The following TMPRSS6 variants were observed in gnomAD, a reference collection of about 807,000 sequenced individuals.
The protein encoded by TMPRSS6 is transmembrane serine protease 6.
A neutral mutation model predicts 101.5 loss-of-function variants in TMPRSS6; 67 were observed. That is an observed-to-expected ratio of 0.66 (90% CI 0.54 to 0.81). The LOEUF is 0.81. Among genes scored for constraint, TMPRSS6 ranks in the 30% least tolerant of loss-of-function variants. TMPRSS6 has a pLI of 0.00. For synonymous variants in TMPRSS6, 453 were observed against 464.9 expected (o/e 0.97, Z 0.33); for missense variants, 1,034 against 1,088.7 (o/e 0.95, Z 0.71).
chr22:37,108,595 C>A (rs1930862116), intron 1 of TMPRSS6, among the ~76,000 whole-genome samples: 2 of 152,236 alleles, frequency 1.3e-5, no homozygotes, highest in Non-Finnish European at 2.9e-5. Context: ...GGGGCCGCGA[C>A]TCCCCCAGCA....
chr22:37,074,620 C>G lies in TMPRSS6; in HGVS notation c.1431G>C (p.Glu477Asp). The G allele has an allele frequency of 6.2e-7, 1 of 1,614,208 alleles. No homozygotes were observed. Among genetic ancestry groups the G allele is most frequent in the Non-Finnish European group, 8.5e-7 (1 of 1,180,026 alleles). Residue 477 changes from glutamate (E) to aspartate (D), a missense_variant, in exon 12 of 18, where the codon GAG becomes GAC. Physicochemically the swap from Glu to Asp is conservative, Grantham distance 45. Coordinates refer to ENST00000676104, the MANE Select transcript of TMPRSS6 (RefSeq NM_001374504.1). ...GGGCGGGTTACTCACCGCAGTTTCT[C>G]TCATCCAGGCCGTTGGGGCAGTCCT... ...GVKDCPNGLD[E>D]RNCVCRATFQ...
chr22:37,065,881 A>AC lies in TMPRSS6; in HGVS notation c.*198dup, dbSNP rs1926225732. The stretch of plus-strand genomic sequence containing the variant: ...GCCTGGGTCCTCAGGGGACGTCTTG[A>AC]CCCCCAGCTGCTGGCACTTCTCCAT... On this transcript the variant is annotated 3_prime_UTR_variant, in exon 18 of 18. Coordinates refer to ENST00000676104, the MANE Select transcript of TMPRSS6 (RefSeq NM_001374504.1). 4.4e-6 allele frequency: 3 copies of AC among 679,684 alleles called. No individual in the cohort carries two copies. The highest frequency in any genetic ancestry group is 5.0e-6 in the Non-Finnish European group (2 of 403,368). The allele number at this position is 679,684 out of a possible 1,614,324, so 42.1% of individuals were successfully genotyped here.
intron 10 of TMPRSS6, chr22:37,083,963 A>G: frequency 3.7e-6 from 2 of 534,482 alleles, no homozygotes; most frequent in Non-Finnish European, 6.6e-6. Flanking sequence ...GAAACATTTT[A>G]TTGAAGGATT....
At chr22:37,072,580 ATGG>A (rs1927148648) in intron 13 of TMPRSS6, among the ~76,000 whole-genome samples, 1 of 113,882 alleles carries the variant, frequency 8.8e-6, no homozygotes, top group African/African-American at 2.9e-5. Context: ...TGGATGGATG[ATGG>A]ATGGATGGAT....
chr22:37,068,768 G>A, intron 16 of TMPRSS6: 1 of 748,690 alleles, frequency 1.3e-6, no homozygotes, highest in East Asian at 2.5e-5. Context: ...TTCCACCCTT[G>A]CAGCCCAAGG....
chr22:37,092,827 T>G (rs988808117), intron 6 of TMPRSS6, among the ~76,000 whole-genome samples: 8 of 152,144 alleles, frequency 5.3e-5, no homozygotes, highest in African/African-American at 1.9e-4. Context: ...CTCCATGAAG[T>G]CTTCCAGGAT....
rs67659825 is a variant in TMPRSS6, at chr22:37,093,384, C to CTTTTTTTTTTTTT, written c.631+2154_631+2166dup. On this transcript the variant is annotated intron_variant, in intron 6 of 17. Coordinates refer to ENST00000676104, the MANE Select transcript of TMPRSS6 (RefSeq NM_001374504.1). ...ACCTTTTCCTTTCCTTTCTTTCTTT[C>CTTTTTTTTTTTTT]TTTTTTTTTTTTTTTTTTTTTTTTT... 2.5e-3 allele frequency among the ~76,000 whole-genome samples: 206 copies of CTTTTTTTTTTTTT among 82,568 alleles called. 2 individuals are homozygous for CTTTTTTTTTTTTT. The highest frequency in any genetic ancestry group is 2.9e-3 in the Non-Finnish European group (134 of 45,658). 54.2% of individuals were successfully genotyped at this position (82,568 alleles called of 152,430 possible). A position where few individuals can be genotyped will look rare whatever the true frequency, so the allele number is the denominator to read the frequency against.
At chr22:37,100,720 G>A (rs1007623676) in intron 2 of TMPRSS6, among the ~76,000 whole-genome samples, 2 of 152,170 alleles carry the variant, frequency 1.3e-5, no homozygotes, top group African/African-American at 4.8e-5. Flanking sequence ...TCAAGGGAGA[G>A]GCCCAGGCTA....
intron 3 of TMPRSS6, 136 bp from the exon 4 acceptor site, chr22:37,096,851 C>G (rs73421622): frequency 1.1e-6 from 1 of 876,228 alleles, no homozygotes; most frequent in African/African-American, 1.7e-5. Context: ...GGCTTGATCA[C>G]GGTCACACAG....
intron 7 of TMPRSS6, among the ~76,000 whole-genome samples, chr22:37,087,234 C>T (rs937518708): frequency 6.6e-6 from 1 of 152,170 alleles, no homozygotes; most frequent in Non-Finnish European, 1.5e-5. Flanking sequence ...TGGAGTCCAG[C>T]GCATCTGATG....
Position 37,103,113 on chromosome 22 carries a change from C to T in TMPRSS6, c.202+103G>A. On this transcript the variant is annotated intron_variant, in intron 2 of 17. Coordinates refer to ENST00000676104, the MANE Select transcript of TMPRSS6 (RefSeq NM_001374504.1). This position sits in a 1 kb window ranked among gnomAD's most constrained non-coding sequence, Gnocchi z 4.4. ...TTGCCCAAGGTCACACAGCAATATG[C>T]TAAGCACGGCTGAGCCTGGAACCCA... 7.9e-7 allele frequency: 1 copy of T among 1,260,408 alleles called. No homozygotes were observed. The allele number at this position is 1,260,408 out of a possible 1,614,324, so 78.1% of individuals were successfully genotyped here.
chr22:37,069,357 G>T lies in TMPRSS6; in HGVS notation c.1842-13C>A. The T allele has an allele frequency of 6.7e-7, 1 of 1,485,382 alleles. No individual in the cohort carries two copies. Among genetic ancestry groups the T allele is most frequent in the Non-Finnish European group, 9.1e-7 (1 of 1,100,132 alleles). The allele number at this position is 1,485,382 out of a possible 1,614,324, so 92.0% of individuals were successfully genotyped here. ...CGTGGAGGCCATGCTGGGGTGGGGT[G>T]GGGTGGGGTGGGGTGGGGTGAGGTG... On this transcript the variant is annotated splice_polypyrimidine_tract_variant and intron_variant, in intron 15 of 17. Transcript: ENST00000676104. This position sits in a 1 kb window ranked among gnomAD's most constrained non-coding sequence, Gnocchi z 4.8.
intron 10 of TMPRSS6, among the ~76,000 whole-genome samples, chr22:37,077,961 G>A (rs935396898): frequency 6.6e-6 from 1 of 152,230 alleles, no homozygotes; most frequent in Non-Finnish European, 1.5e-5. Context: ...GCCGGTGGGG[G>A]ACGAGGCACC....
Position 37,070,522 on chromosome 22 carries a change from G to A in TMPRSS6, c.1803C>T (p.Arg601=), listed in dbSNP as rs765274163. ...HICGGALIAD[R]WVITAAHCFQ... ...AGCAGTGGGCAGCTGTTATCACCCAGCGGTCAGCGATGAGGGCCCCCCCAC... is the reference window on the plus strand; with the variant it reads ...AGCAGTGGGCAGCTGTTATCACCCAACGGTCAGCGATGAGGGCCCCCCCAC... Residue 601 remains arginine, a synonymous_variant, in exon 15 of 18, where the codon CGC becomes CGT. Transcript: ENST00000676104. The A allele has an allele frequency of 9.3e-6, 15 of 1,613,348 alleles. No homozygotes were observed. Among genetic ancestry groups the A allele is most frequent in the Admixed American group, 3.3e-5 (2 of 60,014 alleles).
At chr22:37,105,645 C>T (rs184919430) in intron 1 of TMPRSS6, among the ~76,000 whole-genome samples, 1 of 152,116 alleles carries the variant, frequency 6.6e-6, no homozygotes, top group Non-Finnish European at 1.5e-5. Flanking sequence ...CCTCCCTCTG[C>T]CAGAGGAGGA....
intron 7 of TMPRSS6, among the ~76,000 whole-genome samples, chr22:37,088,036 G>A (rs1229555691): frequency 6.6e-6 from 1 of 152,080 alleles, no homozygotes; most frequent in Non-Finnish European, 1.5e-5. Flanking sequence ...CAAGGGTCTG[G>A]GATGAGAGAG....
chr22:37,085,537 T>A (rs990855449), intron 8 of TMPRSS6, among the ~76,000 whole-genome samples: 2 of 152,134 alleles, frequency 1.3e-5, no homozygotes, highest in African/African-American at 4.8e-5. Context: ...GCCAACACTC[T>A]ATGGCCTCCT....
chr22:37,075,067 G>C, intron 11 of TMPRSS6, 68 bp downstream of exon 11: 1 of 1,611,310 alleles, frequency 6.2e-7, no homozygotes, highest in Non-Finnish European at 8.5e-7. Flanking sequence ...CAGCCCCCTT[G>C]GTGGTTCCAG....
chr22:37,089,733 C>T lies in TMPRSS6; in HGVS notation c.681G>A (p.Lys227=), dbSNP rs1329912505. 6.2e-7 allele frequency: 1 copy of T among 1,612,612 alleles called. No homozygotes were observed. The highest frequency in any genetic ancestry group is 8.5e-7 in the Non-Finnish European group (1 of 1,179,718). The part of the protein sequence containing the change: ...YVGQGQVLRL[K]GPDHLASSCL... Reference sequence around the variant, plus strand: ...AGCTGGAGGCCAGGTGGTCAGGCCCCTTCAGCCGGAGGACCTGGCCCTGGC... The same window carrying T: ...AGCTGGAGGCCAGGTGGTCAGGCCCTTTCAGCCGGAGGACCTGGCCCTGGC... The change falls in exon 7 of 18, where the codon AAG becomes AAA. Residue 227 remains lysine (K), a synonymous_variant. Transcript: ENST00000676104.
Sources: allele counts gnomAD v4.1 joint callset (sites outside exome capture counted in the v4.1 genomes callset), GRCh38; gene constraint gnomAD v4.1.1; non-coding constraint Gnocchi (gnomAD v3.1); transcripts MANE v1.5; gene names NCBI Gene and HGNC (gene_info 2026-07-23, HGNC 2026-07-21).